Variants in PLA2G4C observed in about 807,000 individuals in gnomAD.
PLA2G4C encodes phospholipase A2 group IVC.
PLA2G4C carries 64 observed loss-of-function variants against 73.8 expected under a neutral mutation model. The ratio of observed to expected loss-of-function variants is 0.87; its 90% confidence interval spans 0.71 to 1.07. PLA2G4C has a LOEUF of 1.07. Among genes scored for constraint, PLA2G4C ranks in the 50% least tolerant of loss-of-function variants. The pLI is 0.00. For missense variants in PLA2G4C, 622 were observed against 665.4 expected, an observed-to-expected ratio of 0.93 and a Z score of 0.72; for synonymous variants, 254 against 252.1, an observed-to-expected ratio of 1.01 and a Z score of -0.07.
intron 14 of PLA2G4C, among the ~76,000 whole-genome samples, chr19:48,060,704 C>T (rs1022180138): frequency 6.6e-6 from 1 of 152,076 alleles, no homozygotes; most frequent in African/African-American, 2.4e-5. Context: ...ATCATATTGT[C>T]TTGGGATATT....
intron 16 of PLA2G4C, among the ~76,000 whole-genome samples, chr19:48,049,458 C>T (rs780934407): frequency 2.0e-5 from 3 of 151,300 alleles, no homozygotes; most frequent in Non-Finnish European, 2.9e-5. Flanking sequence ...CTCTCCATGG[C>T]CATCCTGTTG....
intron 12 of PLA2G4C, among the ~76,000 whole-genome samples, chr19:48,073,682 A>C (rs2029939730): frequency 6.6e-6 from 1 of 152,066 alleles, no homozygotes; most frequent in Admixed American, 6.6e-5. Flanking sequence ...CTGTACAGGA[A>C]GCGTGGTGCT....
At chr19:48,090,621 G>A in intron 7 of PLA2G4C, 1 of 581,362 alleles carries the variant, frequency 1.7e-6, no homozygotes, top group Non-Finnish European at 3.1e-6. Context: ...CAGTAAACAA[G>A]ACAGATAAAG....
At chr19:48,097,328 C>T (rs937371391) in intron 6 of PLA2G4C, among the ~76,000 whole-genome samples, 6 of 142,332 alleles carry the variant, frequency 4.2e-5, no homozygotes, top group Non-Finnish European at 7.6e-5. Flanking sequence ...TCTCAGCTCA[C>T]TGCAACCTCC....
Position 48,105,916 on chromosome 19 carries a change from TCC to T in PLA2G4C, c.9-474_9-473del, listed in dbSNP as rs1568457369. Among the ~76,000 whole-genome samples the T allele has an allele frequency of 5.4e-3, 67 of 12,296 alleles. 17 individuals are homozygous for T. Among genetic ancestry groups the T allele is most frequent in the African/African-American group, 0.042 (63 of 1,496 alleles). 8.1% of individuals were successfully genotyped at this position (12,296 alleles called of 152,430 possible). ...CTCCCTCCCTCCCTCCCTCCCTCCC[TCC>T]CTCCCTCCCTCCCTCCCTCCCTCCC... On this transcript the variant is annotated intron_variant, in intron 2 of 16. Coordinates refer to ENST00000599921, the MANE Select transcript of PLA2G4C (RefSeq NM_003706.3).
chr19:48,057,340 C>T (rs1429551154), intron 14 of PLA2G4C, among the ~76,000 whole-genome samples: 4 of 151,772 alleles, frequency 2.6e-5, no homozygotes, highest in African/African-American at 9.7e-5. Flanking sequence ...ATGTCTTATC[C>T]TTTTAACATG....
chr19:48,110,453 G>A (rs1235137851), intron 1 of PLA2G4C, 34 bp downstream of exon 1: 1 of 1,460,602 alleles, frequency 6.8e-7, no homozygotes, highest in African/African-American at 1.9e-5. Context: ...CGCCCCAGCG[G>A]GATGAAACAG....
chr19:48,075,954 AAAC>A (rs1462593624), intron 11 of PLA2G4C, among the ~76,000 whole-genome samples: 3 of 152,200 alleles, frequency 2.0e-5, no homozygotes, highest in African/African-American at 7.2e-5. Flanking sequence ...TGATGTCAAA[AAAC>A]AACATTAAAG....
chr19:48,061,710 G>A, intron 14 of PLA2G4C: 1 of 397,734 alleles, frequency 2.5e-6, no homozygotes, highest in Non-Finnish European at 4.7e-6. Context: ...GGCTGTTGCA[G>A]TTCAAACTGG....
intron 13 of PLA2G4C, among the ~76,000 whole-genome samples, chr19:48,067,342 AT>A (rs1417131856): frequency 6.6e-6 from 1 of 151,582 alleles, no homozygotes; most frequent in East Asian, 1.9e-4. Context: ...TAATTTTTGT[AT>A]TTTTAGTAGG....
At chr19:48,108,459 C>T (rs1280476911) in intron 1 of PLA2G4C, among the ~76,000 whole-genome samples, 2 of 152,134 alleles carry the variant, frequency 1.3e-5, no homozygotes, top group Non-Finnish European at 2.9e-5. Context: ...CTGTGTTTCA[C>T]GACAGTGATA....
chr19:48,049,048 C>T (rs907866253), intron 16 of PLA2G4C, among the ~76,000 whole-genome samples: 1 of 152,122 alleles, frequency 6.6e-6, no homozygotes, highest in Non-Finnish European at 1.5e-5. Flanking sequence ...CGCCAGCCCC[C>T]CTTCCCCTTC....
intron 14 of PLA2G4C, among the ~76,000 whole-genome samples, chr19:48,057,480 CTTCTTTTTTTTTTTTT>C (rs1331525243): frequency 3.6e-5 from 1 of 28,084 alleles, no homozygotes; most frequent in Non-Finnish European, 6.6e-5. Context: ...TCTTCTTCTT[CTTCTTTTTTTTTTTTT>C]TTTTTTTTTT....
chr19:48,087,560 C>T (rs996512362), intron 9 of PLA2G4C, among the ~76,000 whole-genome samples: 5 of 152,144 alleles, frequency 3.3e-5, no homozygotes, highest in African/African-American at 9.7e-5. Flanking sequence ...CACTGGATCA[C>T]GAGTGTGTCT....
At chr19:48,073,790 C>T (rs11564615) in intron 12 of PLA2G4C, among the ~76,000 whole-genome samples, 41,213 of 151,224 alleles carry the variant, frequency 0.27, 5,954 homozygotes, top group East Asian at 0.52. Flanking sequence ...AGCAAGAGAG[C>T]GAGGGGGAAG....
At chr19:48,092,220 T>C (rs958377699) in intron 7 of PLA2G4C, among the ~76,000 whole-genome samples, 7 of 152,158 alleles carry the variant, frequency 4.6e-5, no homozygotes, top group Admixed American at 1.3e-4. Flanking sequence ...CGGCTAATTT[T>C]GTATTTTTTG....
In PLA2G4C at chr19:48,110,553, G is replaced by GCTTGGGCTCCGGAATCCGGTGCGGAGC; in HGVS notation, c.-100_-99insGCTCCGCACCGGATTCCGGAGCCCAAG. 1 of 1,511,944 alleles carries GCTTGGGCTCCGGAATCCGGTGCGGAGC rather than the reference G, an allele frequency of 6.6e-7. No individual in the cohort carries two copies. The highest frequency in any genetic ancestry group is 8.8e-7 in the Non-Finnish European group (1 of 1,132,380). 93.7% of individuals were successfully genotyped at this position (1,511,944 alleles called of 1,614,324 possible). A position where few individuals can be genotyped will look rare whatever the true frequency, so the allele number is the denominator to read the frequency against. On this transcript the variant is annotated 5_prime_UTR_variant, in exon 1 of 17. Transcript: ENST00000599921. Reference sequence around the variant, plus strand: ...TTGTGCTCCGGAATCCGGTGCGGAGGCTTGGGCTCCCTGCGCTTAGCGGTG... The same window carrying GCTTGGGCTCCGGAATCCGGTGCGGAGC: ...TTGTGCTCCGGAATCCGGTGCGGAGGCTTGGGCTCCGGAATCCGGTGCGGAGCCTTGGGCTCCCTGCGCTTAGCGGTG...
intron 16 of PLA2G4C, among the ~76,000 whole-genome samples, chr19:48,050,964 G>T (rs1041339108): frequency 6.6e-6 from 1 of 152,002 alleles, no homozygotes; most frequent in African/African-American, 2.4e-5. Flanking sequence ...TGTGAGCCAC[G>T]GCTCCTGGCC....
At chr19:48,104,805 G>C (rs563307372) in intron 3 of PLA2G4C, 81 bp from the exon 4 acceptor site, 3 of 1,398,108 alleles carry the variant, frequency 2.1e-6, no homozygotes, top group Admixed American at 2.0e-5. Context: ...ACCTGGGGCC[G>C]GGCACCGTGG....
Sources: allele counts gnomAD v4.1 joint callset (sites outside exome capture counted in the v4.1 genomes callset), GRCh38; gene constraint gnomAD v4.1.1; transcripts MANE v1.5; gene names NCBI Gene and HGNC (gene_info 2026-07-23, HGNC 2026-07-21).